Variants in CDKL3 observed in about 807,000 individuals in gnomAD.
CDKL3 encodes the protein cyclin dependent kinase like 3, also known as cyclin-dependent kinase-like 3.
In CDKL3, 65 loss-of-function variants were observed where a neutral mutation model predicts 69.3. That is an observed-to-expected ratio of 0.94 (90% CI 0.77 to 1.15). The LOEUF is 1.15. Among genes scored for constraint, CDKL3 ranks in the 50% most tolerant of loss-of-function variants. CDKL3 has a pLI of 0.00. For synonymous variants in CDKL3, 202 were observed against 221.6 expected (o/e 0.91, Z 0.79); for missense variants, 652 against 689.2 (o/e 0.95, Z 0.61).
chr5:134,328,091 C>T (rs1183673059), intron 4 of CDKL3, among the ~76,000 whole-genome samples: 1 of 152,254 alleles, frequency 6.6e-6, no homozygotes, highest in East Asian at 1.9e-4. Flanking sequence ...TGTTCAAGTT[C>T]CAACAAAAAT....
At chr5:134,332,782 T>C (rs1459208781) in intron 4 of CDKL3, among the ~76,000 whole-genome samples, 3 of 152,228 alleles carry the variant, frequency 2.0e-5, no homozygotes, top group Non-Finnish European at 4.4e-5. Context: ...TGCGGGCTCT[T>C]TTTTGGTTCC....
intron 6 of CDKL3, among the ~76,000 whole-genome samples, chr5:134,313,157 C>A (rs1032429490): frequency 6.6e-6 from 1 of 152,122 alleles, no homozygotes; most frequent in Non-Finnish European, 1.5e-5. Context: ...TGAGTTCAAG[C>A]GATTCTCCCG....
chr5:134,303,673 C>CG (rs1554077939), intron 11 of CDKL3, among the ~76,000 whole-genome samples: 2 of 151,096 alleles, frequency 1.3e-5, no homozygotes, highest in Admixed American at 1.3e-4. Context: ...GTGGAACCCC[C>CG]CCCCCGTCTC....
intron 12 of CDKL3, chr5:134,299,607 C>T (rs1286811297): frequency 7.1e-7 from 1 of 1,407,992 alleles, no homozygotes; most frequent in African/African-American, 1.4e-5. Context: ...ATCTAGTTAG[C>T]ATTTTTGTGT....
At chr5:134,357,438 C>CAAAATAAAATAAAAT (rs71581394) in intron 3 of CDKL3, among the ~76,000 whole-genome samples, 2 of 148,500 alleles carry the variant, frequency 1.3e-5, no homozygotes, top group African/African-American at 5.0e-5. Flanking sequence ...GACTCTGTCT[C>CAAAATAAAATAAAAT]AAAATAAAAT....
At chr5:134,319,721 G>T (rs1236785123) in intron 5 of CDKL3, among the ~76,000 whole-genome samples, 1 of 152,206 alleles carries the variant, frequency 6.6e-6, no homozygotes, top group Non-Finnish European at 1.5e-5. Context: ...AACAGAAGAT[G>T]TAAAACCACC....
chr5:134,316,315 T>A (rs1423311427), intron 6 of CDKL3, among the ~76,000 whole-genome samples: 1 of 152,104 alleles, frequency 6.6e-6, no homozygotes, highest in African/African-American at 2.4e-5. Flanking sequence ...CTAAAAAATT[T>A]TCAGCTGGAT....
At chr5:134,368,657 A>C (rs999536053), upstream of CDKL3, among the ~76,000 whole-genome samples, 2 of 150,928 alleles carry the variant, frequency 1.3e-5, no homozygotes, top group Non-Finnish European at 3.0e-5. Context: ...TTATTCAACC[A>C]CAATATAAAA....
At chr5:134,337,253 C>T (rs187440135) in intron 4 of CDKL3, among the ~76,000 whole-genome samples, 12 of 152,308 alleles carry the variant, frequency 7.9e-5, no homozygotes, top group Admixed American at 2.0e-4. Context: ...GGTACAGTCA[C>T]TCATGGCTTC....
intron 12 of CDKL3, chr5:134,302,092 G>C (rs540938155): frequency 2.2e-6 from 1 of 452,468 alleles, no homozygotes; most frequent in South Asian, 1.6e-5. Context: ...AATAAAATTT[G>C]AGAATCTCTC....
At position 134,319,384 on chromosome 5, in the gene CDKL3, T is replaced by C. The variant is rs775841286; in HGVS notation, c.766A>G (p.Asn256Asp). 6.5e-7 allele frequency: 1 copy of C among 1,530,008 alleles called. No individual in the cohort carries two copies. The highest frequency in any genetic ancestry group is 1.7e-4 in the Middle Eastern group (1 of 5,928). 94.8% of individuals were successfully genotyped at this position (1,530,008 alleles called of 1,614,324 possible). Residue 256 changes from asparagine (N) to aspartate (D), a missense_variant, in exon 6 of 13, where the codon AAT becomes GAT. By Grantham distance (23) the Asn-to-Asp change is conservative. Transcript: ENST00000265334. ...TGAACTATATCTGCCAACAATCCAT[T>C]AAGCTTTGGATATTTTTTTCTTGCA... ...KNARKKYPKL[N>D]GLLADIVHAC...
chr5:134,303,131 A>T (rs1002592395), intron 11 of CDKL3, among the ~76,000 whole-genome samples: 2 of 151,580 alleles, frequency 1.3e-5, no homozygotes, highest in African/African-American at 4.9e-5. Flanking sequence ...TCACTCTGTC[A>T]CCCAGGCTGG....
downstream of CDKL3, among the ~76,000 whole-genome samples, chr5:134,296,373 C>T (rs1253974112): frequency 6.6e-6 from 1 of 152,128 alleles, no homozygotes; most frequent in African/African-American, 2.4e-5. Context: ...GGGTTTTATG[C>T]CTTACACGGC....
Position 134,293,002 on chromosome 5 carries a change from C to CTTTTTTTT in CDKL3, c.*678-6451_*678-6444dup, listed in dbSNP as rs558156596. ...GCCCTGTTGGCCTCACTGCCAATTT[C>CTTTTTTTT]TTTTTTTTTTTTTTTTTTTTTTTTT... On this transcript the variant is annotated intron_variant and NMD_transcript_variant, in intron 8 of 8. Transcript: ENST00000519312. 4.4e-3 allele frequency among the ~76,000 whole-genome samples: 195 copies of CTTTTTTTT among 43,916 alleles called. 17 individuals are homozygous for CTTTTTTTT. Among genetic ancestry groups the CTTTTTTTT allele is most frequent in the Non-Finnish European group, 6.0e-3 (137 of 22,812 alleles). 28.8% of individuals were successfully genotyped at this position (43,916 alleles called of 152,430 possible).
upstream of CDKL3, chr5:134,371,457 G>A (rs950684065): frequency 4.5e-6 from 5 of 1,103,284 alleles, no homozygotes; most frequent in African/African-American, 3.3e-5. Flanking sequence ...CGTCATTGCA[G>A]GGTTGTTTGT....
chr5:134,369,437 G>A (rs913332681), upstream of CDKL3, among the ~76,000 whole-genome samples: 3 of 152,160 alleles, frequency 2.0e-5, no homozygotes, highest in African/African-American at 7.2e-5. Context: ...GGGGGTAGGA[G>A]GAGGACCTCA....
intron 4 of CDKL3, among the ~76,000 whole-genome samples, chr5:134,338,212 A>T (rs1777566558): frequency 6.6e-6 from 1 of 152,232 alleles, no homozygotes; most frequent in South Asian, 2.1e-4. Context: ...ACATTATTAG[A>T]TGTAATATGT....
upstream of CDKL3, chr5:134,371,469 AG>A (rs909055376): frequency 9.8e-6 from 11 of 1,125,498 alleles, no homozygotes; most frequent in African/African-American, 2.2e-4. Context: ...GTTGTTTGTC[AG>A]TCTCGGCGGC....
intron 4 of CDKL3, among the ~76,000 whole-genome samples, chr5:134,340,431 AT>A (rs1178410393): frequency 6.6e-6 from 1 of 152,178 alleles, no homozygotes; most frequent in Non-Finnish European, 1.5e-5. Flanking sequence ...ACCAAAAGCT[AT>A]TTTTTTGTAA....
Sources: allele counts gnomAD v4.1 joint callset (sites outside exome capture counted in the v4.1 genomes callset), GRCh38; gene constraint gnomAD v4.1.1; transcripts MANE v1.5; gene names NCBI Gene and HGNC (gene_info 2026-07-23, HGNC 2026-07-21).